TTPA: variants seen among roughly 807,000 people sequenced by gnomAD.
TTPA encodes alpha tocopherol transfer protein, also known as alpha-tocopherol transfer protein.
A neutral mutation model predicts 25.9 loss-of-function variants in TTPA; 23 were observed. That is an observed-to-expected ratio of 0.89 (90% CI 0.64 to 1.26). The LOEUF (loss-of-function observed/expected upper bound fraction) is 1.26. TTPA is among the 50% of genes most tolerant of loss of function. TTPA has a pLI of 0.00. For missense variants in TTPA, 337 were observed against 353.1 expected, an observed-to-expected ratio of 0.95 and a Z score of 0.37; for synonymous variants, 148 against 137.3, an observed-to-expected ratio of 1.08 and a Z score of -0.54.
chr8:63,077,360 G>T (rs955880834), intron 1 of TTPA, among the ~76,000 whole-genome samples: 2 of 152,210 alleles, frequency 1.3e-5, no homozygotes, highest in Non-Finnish European at 2.9e-5. Context: ...GCGGGGCATT[G>T]CCTCACCCAG....
rs1163767028 is a variant in TTPA at position 63,073,085 on chromosome 8, G to A, written c.208C>T (p.Leu70=). Residue 70 remains leucine (L), a synonymous_variant, in exon 2 of 5, where the codon CTA becomes TTA. Coordinates refer to ENST00000260116, the MANE Select transcript of TTPA (RefSeq NM_000370.3). ...DFDLDLAWRL[L]KNYYKWRAEC... is the part of the protein sequence containing the mutation. ...GCTCTCCACTTATAATAGTTTTTTA[G>A]TAACTGAAAAATAAAATTAAAATTG... 6.2e-7 allele frequency: 1 copy of A among 1,608,066 alleles called. No homozygotes were observed. The highest frequency in any genetic ancestry group is 2.2e-5 in the East Asian group (1 of 44,830).
At position 63,062,823 on chromosome 8, in the gene TTPA, T is replaced by C. The variant is rs570930683; in HGVS notation, c.663+1383A>G. Among the ~76,000 whole-genome samples, 215 of 152,346 alleles carry C rather than the reference T, an allele frequency of 1.4e-3. 1 individual carries two copies. Among genetic ancestry groups the C allele is most frequent in the African/African-American group, 4.6e-3 (193 of 41,592 alleles). Reference sequence around the variant, plus strand: ...TATTACTCAAAATAGAAATAGTTATTTTTAGATCTCTAAGAATTAAACAGA... The same window carrying C: ...TATTACTCAAAATAGAAATAGTTATCTTTAGATCTCTAAGAATTAAACAGA... On this transcript the variant is annotated intron_variant, in intron 4 of 4. Coordinates refer to ENST00000260116, the MANE Select transcript of TTPA (RefSeq NM_000370.3).
chr8:63,071,071 C>A (rs1421023222), intron 2 of TTPA, among the ~76,000 whole-genome samples: 1 of 152,160 alleles, frequency 6.6e-6, no homozygotes, highest in African/African-American at 2.4e-5. Flanking sequence ...TTAAATCTGG[C>A]AAGACTACCC....
At chr8:63,061,543 C>A (rs1362969068) in intron 4 of TTPA, 118 bp from the exon 5 acceptor site, 7 of 834,044 alleles carry the variant, frequency 8.4e-6, no homozygotes, top group Non-Finnish European at 1.2e-5. Context: ...AAATAGATAC[C>A]ACATCCTTTA....
intron 1 of TTPA, among the ~76,000 whole-genome samples, chr8:63,081,185 CA>C (rs1563365707): frequency 6.6e-6 from 1 of 151,832 alleles, no homozygotes; most frequent in Admixed American, 6.6e-5. Context: ...AGAGACACAA[CA>C]AAAAAAGAGA....
chr8:63,081,271 C>T (rs1052575708), intron 1 of TTPA, among the ~76,000 whole-genome samples: 1 of 152,134 alleles, frequency 6.6e-6, no homozygotes, highest in South Asian at 2.1e-4. Flanking sequence ...AATCCAGCAG[C>T]ACATCAAAAA....
chr8:63,063,889 A>G (rs1402992039), intron 4 of TTPA, among the ~76,000 whole-genome samples: 1 of 152,112 alleles, frequency 6.6e-6, no homozygotes. Context: ...TTGTTTAGGT[A>G]TAGGTAATTC....
intron 1 of TTPA, among the ~76,000 whole-genome samples, chr8:63,077,434 G>A (rs1262909071): frequency 2.0e-5 from 3 of 152,192 alleles, no homozygotes; most frequent in African/African-American, 7.2e-5. Context: ...GATGTACCGG[G>A]AAAAACAGGA....
At chr8:63,067,510 A>T (rs1199414955) in intron 2 of TTPA, among the ~76,000 whole-genome samples, 3 of 152,004 alleles carry the variant, frequency 2.0e-5, no homozygotes, top group Non-Finnish European at 4.4e-5. Context: ...AAAAAGAAAA[A>T]AAAATCATAA....
chr8:63,080,038 A>G (rs1805635195), intron 1 of TTPA, among the ~76,000 whole-genome samples: 1 of 152,236 alleles, frequency 6.6e-6, no homozygotes, highest in South Asian at 2.1e-4. Context: ...GCACAACTAC[A>G]TGGAAACTGA....
chr8:63,073,014 A>C lies in TTPA; in HGVS notation c.279T>G (p.Ile93Met), dbSNP rs146136556. 2.5e-6 allele frequency: 4 copies of C among 1,613,874 alleles called. No homozygotes were observed. In the African/African-American group the frequency reaches 4.0e-5, roughly 16 times the overall value. ...CATGGTAGCCAGCCTTTAGGAGGCC[A>C]ATAATACTTCTAGGGTGTAGATCTG... ...ISADLHPRSI[I>M]GLLKAGYHGV... The change falls in exon 2 of 5, where the codon ATT (isoleucine) becomes ATG (methionine). Residue 93 changes from isoleucine (I) to methionine (M), a missense_variant. Coordinates refer to ENST00000260116, the MANE Select transcript of TTPA (RefSeq NM_000370.3).
chr8:63,085,093 T>A (rs1805726891), intron 1 of TTPA, among the ~76,000 whole-genome samples: 1 of 152,196 alleles, frequency 6.6e-6, no homozygotes, highest in South Asian at 2.1e-4. Flanking sequence ...TGGTTAATGT[T>A]CAATCTTCAC....
At chr8:63,073,159 C>T in intron 1 of TTPA, 71 bp from the exon 2 acceptor site, 1 of 1,278,572 alleles carries the variant, frequency 7.8e-7, no homozygotes, top group Non-Finnish European at 1.1e-6. Context: ...GGAAGAAAAG[C>T]TTTGGCATTG....
At chr8:63,080,801 T>C (rs578112061) in intron 1 of TTPA, among the ~76,000 whole-genome samples, 4 of 148,092 alleles carry the variant, frequency 2.7e-5, no homozygotes, top group African/African-American at 9.9e-5. Context: ...CACAAAAAAA[T>C]GATAAAGGGG....
intron 3 of TTPA, among the ~76,000 whole-genome samples, chr8:63,065,629 G>A (rs551675473): frequency 2.6e-5 from 4 of 152,148 alleles, no homozygotes; most frequent in Admixed American, 2.0e-4. Flanking sequence ...AGGAAAAAAA[G>A]TTAATGACAA....
At chr8:63,085,761 C>A (rs1389478669) in intron 1 of TTPA, 57 bp downstream of exon 1, 7 of 1,404,200 alleles carry the variant, frequency 5.0e-6, no homozygotes, top group Non-Finnish European at 5.6e-6. Context: ...GGTCGTGGGG[C>A]GGGGGACGGG....
At chr8:63,080,753 A>G (rs1805651456) in intron 1 of TTPA, among the ~76,000 whole-genome samples, 1 of 150,402 alleles carries the variant, frequency 6.6e-6, no homozygotes, top group East Asian at 1.9e-4. Context: ...TAATAATAAT[A>G]AAGAAGAAAA....
chr8:63,073,016 T>A lies in TTPA; in HGVS notation c.277A>T (p.Ile93Phe). 1 of 1,613,950 alleles carries A rather than the reference T, an allele frequency of 6.2e-7. No individual in the cohort carries two copies. The highest frequency in any genetic ancestry group is 2.2e-5 in the East Asian group (1 of 44,874). Residue 93 changes from isoleucine (I) to phenylalanine (F), a missense_variant, in exon 2 of 5, where the codon ATT becomes TTT. Physicochemically the swap from Ile to Phe is conservative, Grantham distance 21. Coordinates refer to ENST00000260116, the MANE Select transcript of TTPA (RefSeq NM_000370.3). ...ISADLHPRSI[I>F]GLLKAGYHGV... ...TGGTAGCCAGCCTTTAGGAGGCCAA[T>A]AATACTTCTAGGGTGTAGATCTGCA...
intron 2 of TTPA, among the ~76,000 whole-genome samples, chr8:63,071,114 C>G (rs1398950276): frequency 8.5e-5 from 13 of 152,150 alleles, no homozygotes; most frequent in Admixed American, 2.6e-4. Flanking sequence ...TTGCTATGAG[C>G]TCATTCAATT....
Sources: allele counts gnomAD v4.1 joint callset (sites outside exome capture counted in the v4.1 genomes callset), GRCh38; gene constraint gnomAD v4.1.1; transcripts MANE v1.5; gene names NCBI Gene and HGNC (gene_info 2026-07-23, HGNC 2026-07-21).